The following ST3GAL5 variants were observed in gnomAD, a reference collection of about 807,000 sequenced individuals.
ST3GAL5 encodes lactosylceramide alpha-2,3-sialyltransferase.
Under a neutral mutation model 46.1 loss-of-function variants are expected in ST3GAL5, and 25 were observed. The observed-to-expected ratio is 0.54, with a 90% CI of 0.40 to 0.76. The LOEUF (loss-of-function observed/expected upper bound fraction) is 0.76. Among genes scored for constraint, ST3GAL5 ranks in the 30% least tolerant of loss-of-function variants. ST3GAL5 has a pLI of 0.00. For missense variants in ST3GAL5, 431 were observed against 521.2 expected (o/e 0.83, Z 1.69); for synonymous variants, 182 against 192.7 (o/e 0.94, Z 0.46).
chr2:85,861,694 C>T (rs1684755093), intron 2 of ST3GAL5, among the ~76,000 whole-genome samples: 1 of 146,790 alleles, frequency 6.8e-6, no homozygotes, highest in Non-Finnish European at 1.5e-5. Flanking sequence ...ATTCACAGTA[C>T]GTCTAAAGAA....
intron 1 of ST3GAL5, chr2:85,868,050 A>G: frequency 4.5e-6 from 1 of 222,824 alleles, no homozygotes; most frequent in African/African-American, 2.2e-5. Context: ...TCACAAGAGA[A>G]GGGCCAAGCT....
rs1317318390 is a variant in ST3GAL5, at chr2:85,852,937, T to A, written c.319-4733A>T. On this transcript the variant is annotated intron_variant, in intron 3 of 6. Coordinates refer to ENST00000638572, the MANE Select transcript of ST3GAL5 (RefSeq NM_003896.4). ...AAAAGACTCGGTTTGAAGATGCTGGTGCCTGGGCTCACTGAATGCTTCAGC... is the reference window on the plus strand; with the variant it reads ...AAAAGACTCGGTTTGAAGATGCTGGAGCCTGGGCTCACTGAATGCTTCAGC... The A allele has an allele frequency of 4.6e-6, 6 of 1,301,848 alleles. No individual in the cohort carries two copies. The African/African-American group carries it at 9.4e-5, about 20-fold the overall frequency. 80.6% of individuals were successfully genotyped at this position (1,301,848 alleles called of 1,614,324 possible).
rs377626779 is a variant in ST3GAL5, at chr2:85,847,943, G to A, written c.580C>T (p.Arg194Cys). The change falls in exon 4 of 7, where the codon CGC becomes TGC. Residue 194 changes from arginine to cysteine, a missense_variant. Coordinates refer to ENST00000638572, the MANE Select transcript of ST3GAL5 (RefSeq NM_003896.4). ...PEHLKAKTCR[R>C]CVVIGSGGIL... ...CCTCCGCTTCCAATAACCACACAGC[G>A]CCGACAGGTCTTGGCTTTCAAGTGT... The A allele has an allele frequency of 1.7e-5, 28 of 1,614,008 alleles. No homozygotes were observed. The African/African-American group carries it at 1.9e-4, about 11-fold the overall frequency.
chr2:85,867,418 T>C (rs1464682194), intron 1 of ST3GAL5, among the ~76,000 whole-genome samples: 1 of 152,144 alleles, frequency 6.6e-6, no homozygotes, highest in Admixed American at 6.5e-5. Context: ...TTATTGACAC[T>C]GAAAAATATA....
At chr2:85,860,188 G>A (rs1684568824) in intron 3 of ST3GAL5, among the ~76,000 whole-genome samples, 1 of 152,220 alleles carries the variant, frequency 6.6e-6, no homozygotes, top group South Asian at 2.1e-4. Flanking sequence ...TTTTAGAACA[G>A]TTCCTGGCAC....
rs1462958950 is a variant in ST3GAL5 at position 85,839,832 on chromosome 2, CAGA to C, written c.*309_*311del. 5.1e-6 allele frequency: 2 copies of C among 388,820 alleles called. No individual in the cohort carries two copies. The highest frequency in any genetic ancestry group is 7.5e-5 in the Admixed American group (2 of 26,500). The allele number at this position is 388,820 out of a possible 1,614,324, so 24.1% of individuals were successfully genotyped here. A position where few individuals can be genotyped will look rare whatever the true frequency, so the allele number is the denominator to read the frequency against. On this transcript the variant is annotated 3_prime_UTR_variant, in exon 7 of 7. Transcript: ENST00000638572. ...GTATTCAATGTGCAGTGTAAACGAG[CAGA>C]AGTTTTACAAATTAAATTACTTTCT...
At chr2:85,858,182 T>G (rs1485264254) in intron 3 of ST3GAL5, 1 of 152,282 alleles carries the variant, frequency 6.6e-6, no homozygotes, top group Non-Finnish European at 1.5e-5. Context: ...AGCCCCAGGT[T>G]ACGAAACCAG....
intron 1 of ST3GAL5, among the ~76,000 whole-genome samples, chr2:85,874,120 C>T (rs1031589685): frequency 4.6e-5 from 7 of 152,188 alleles, no homozygotes; most frequent in Non-Finnish European, 1.0e-4. Context: ...CAATACTGTA[C>T]TAATTTTGAC....
chr2:85,871,272 T>C (rs1219434942), intron 1 of ST3GAL5, among the ~76,000 whole-genome samples: 1 of 152,182 alleles, frequency 6.6e-6, no homozygotes, highest in African/African-American at 2.4e-5. Context: ...TTCTTTGTGT[T>C]GGGAATATTT....
intron 1 of ST3GAL5, chr2:85,875,676 A>G (rs1686463308): frequency 6.6e-6 from 1 of 152,226 alleles, no homozygotes; most frequent in Admixed American, 6.5e-5. Context: ...GACAATAAAA[A>G]TGAAAGAGAG....
intron 4 of ST3GAL5, chr2:85,847,511 G>C: frequency 9.4e-7 from 1 of 1,059,456 alleles, no homozygotes; most frequent in Non-Finnish European, 1.1e-6. Flanking sequence ...AGAGCTTCCT[G>C]TGTCCCTCAC....
At chr2:85,863,299 T>C (rs1684922251) in intron 2 of ST3GAL5, 63 bp downstream of exon 2, 3 of 1,611,040 alleles carry the variant, frequency 1.9e-6, no homozygotes, top group Admixed American at 1.7e-5. Flanking sequence ...ACTGAATTTT[T>C]CTCCTAGTTC....
At chr2:85,869,099 C>T (rs1263877945) in intron 1 of ST3GAL5, among the ~76,000 whole-genome samples, 1 of 152,134 alleles carries the variant, frequency 6.6e-6, no homozygotes, top group Non-Finnish European at 1.5e-5. Flanking sequence ...GCCAAGGCAA[C>T]AGTGCAGTGG....
rs75153557 is a variant in ST3GAL5, at chr2:85,879,292, T to C, written c.82+9532A>G. On this transcript the variant is annotated intron_variant, in intron 1 of 6. Transcript: ENST00000638572. Reference sequence around the variant, plus strand: ...GTGCCCAAGCCAGGAGGGGCTATTATTATAGCACTGGGCCAGCCAAGACCC... The same window carrying C: ...GTGCCCAAGCCAGGAGGGGCTATTACTATAGCACTGGGCCAGCCAAGACCC... Among the ~76,000 whole-genome samples the C allele has an allele frequency of 9.8e-3, 1,493 of 152,236 alleles. 18 individuals are homozygous for C. Among genetic ancestry groups the C allele is most frequent in the African/African-American group, 0.034 (1,429 of 41,528 alleles).
chr2:85,849,855 A>AGTGTGTGTGTGTGTGT (rs3046619), intron 3 of ST3GAL5: 22 of 147,350 alleles, frequency 1.5e-4, no homozygotes, highest in African/African-American at 5.3e-4. Context: ...CACAGGCAGA[A>AGTGTGTGTGTGTGTGT]GTGTGTGTGT....
At chr2:85,861,024 G>T in intron 3 of ST3GAL5, 157 bp downstream of exon 3, 1 of 646,912 alleles carries the variant, frequency 1.5e-6, no homozygotes, top group Non-Finnish European at 2.8e-6. Context: ...TTAGAAGAAG[G>T]TTGTCTTTGG....
At chr2:85,876,291 A>T (rs2104194527) in intron 1 of ST3GAL5, among the ~76,000 whole-genome samples, 1 of 152,168 alleles carries the variant, frequency 6.6e-6, no homozygotes, top group East Asian at 1.9e-4. Flanking sequence ...AAACCAGGTA[A>T]ATGTATGGGT....
chr2:85,842,066 A>G (rs1553402547), intron 6 of ST3GAL5, among the ~76,000 whole-genome samples: 1 of 152,208 alleles, frequency 6.6e-6, no homozygotes, highest in Non-Finnish European at 1.5e-5. Context: ...TGGACCCTCC[A>G]GAGTTCACAG....
chr2:85,840,042 GCTGCACTTCAAAGTAT>G lies in ST3GAL5; in HGVS notation c.*86_*101del. The G allele has an allele frequency of 6.4e-7, 1 of 1,552,358 alleles. No individual in the cohort carries two copies. Among genetic ancestry groups the G allele is most frequent in the Non-Finnish European group, 8.8e-7 (1 of 1,130,598 alleles). ...TTTAAATTAAAAGTTAAAAACATGA[GCTGCACTTCAAAGTAT>G]CTGCAGGATGGAGAAATACATCAAG... On this transcript the variant is annotated 3_prime_UTR_variant, in exon 7 of 7. Transcript: ENST00000638572.
Sources: allele counts gnomAD v4.1 joint callset (sites outside exome capture counted in the v4.1 genomes callset), GRCh38; gene constraint gnomAD v4.1.1; transcripts MANE v1.5; gene names NCBI Gene and HGNC (gene_info 2026-07-23, HGNC 2026-07-21).